NFXL1: variants seen among roughly 807,000 people sequenced by gnomAD.
NFXL1 encodes NF-X1-type zinc finger protein NFXL1.
Under a neutral mutation model 123.3 loss-of-function variants are expected in NFXL1, and 66 were observed. The observed-to-expected ratio is 0.54, with a 90% CI of 0.44 to 0.66. The LOEUF is 0.66. Among genes scored for constraint, NFXL1 ranks in the 30% least tolerant of loss-of-function variants. The pLI is 0.00. For synonymous variants in NFXL1, 346 were observed against 360.8 expected (o/e 0.96, Z 0.46); for missense variants, 944 against 1,125.6 (o/e 0.84, Z 2.31).
chr4:47,881,894 G>A (rs1254752651), intron 15 of NFXL1, among the ~76,000 whole-genome samples: 1 of 152,102 alleles, frequency 6.6e-6, no homozygotes, highest in Non-Finnish European at 1.5e-5. Context: ...GGGAAAAGAA[G>A]GTTGAACAGG....
At chr4:47,912,441 G>GTTTTCT (rs1737872936) in intron 2 of NFXL1, among the ~76,000 whole-genome samples, 2 of 146,464 alleles carry the variant, frequency 1.4e-5, no homozygotes, top group Non-Finnish European at 3.0e-5. Flanking sequence ...GAGAATGCTT[G>GTTTTCT]TTTTCTTTTT....
intron 20 of NFXL1, among the ~76,000 whole-genome samples, chr4:47,852,677 G>A (rs114114099): frequency 0.035 from 5,285 of 152,084 alleles, 326 homozygotes; most frequent in African/African-American, 0.12. Flanking sequence ...ACCAATTTCT[G>A]TACTACGACA....
chr4:47,906,276 A>G (rs543412470), intron 3 of NFXL1, among the ~76,000 whole-genome samples: 1 of 152,348 alleles, frequency 6.6e-6, no homozygotes, highest in South Asian at 2.1e-4. Flanking sequence ...AATAGTGGTT[A>G]ACTGAGTCTT....
chr4:47,882,455 T>C (rs1736172718), intron 15 of NFXL1: 1 of 152,208 alleles, frequency 6.6e-6, no homozygotes, highest in African/African-American at 2.4e-5. Flanking sequence ...AGGTCAAAGA[T>C]GACACACTGA....
chr4:47,898,723 TAATA>T, intron 8 of NFXL1, 30 bp downstream of exon 8: 62 of 1,323,034 alleles, frequency 4.7e-5, no homozygotes, highest in Non-Finnish European at 6.3e-5. Flanking sequence ...CTGTACTCTT[TAATA>T]CCCACCCCTC....
At chr4:47,861,317 A>T (rs1295168066) in intron 19 of NFXL1, among the ~76,000 whole-genome samples, 1 of 152,194 alleles carries the variant, frequency 6.6e-6, no homozygotes, top group Non-Finnish European at 1.5e-5. Flanking sequence ...GATTGTTCCA[A>T]ACTATAACGG....
At chr4:47,848,380 T>C (rs1481845186) in intron 22 of NFXL1, 44 bp from the exon 23 acceptor site, 20 of 1,433,220 alleles carry the variant, frequency 1.4e-5, no homozygotes, top group African/African-American at 4.3e-5. Flanking sequence ...AATGCATACA[T>C]TGATTTGAAA....
intron 18 of NFXL1, among the ~76,000 whole-genome samples, chr4:47,870,017 G>C (rs1735332130): frequency 1.3e-5 from 2 of 152,096 alleles, no homozygotes; most frequent in South Asian, 4.2e-4. Context: ...CCCCATAAGA[G>C]AGAGAAATTT....
intron 11 of NFXL1, among the ~76,000 whole-genome samples, chr4:47,891,417 TGGCAG>T (rs1736763714): frequency 6.6e-6 from 1 of 152,168 alleles, no homozygotes; most frequent in Non-Finnish European, 1.5e-5. Flanking sequence ...TGGCTTCGTT[TGGCAG>T]TTATTTTCAA....
intron 8 of NFXL1, among the ~76,000 whole-genome samples, chr4:47,898,387 C>G (rs1737215577): frequency 6.6e-6 from 1 of 152,046 alleles, no homozygotes; most frequent in Non-Finnish European, 1.5e-5. Flanking sequence ...TAAAACCATG[C>G]CAATTCTAGG....
At chr4:47,911,570 T>G (rs1737829460) in intron 2 of NFXL1, among the ~76,000 whole-genome samples, 1 of 152,208 alleles carries the variant, frequency 6.6e-6, no homozygotes, top group African/African-American at 2.4e-5. Flanking sequence ...CTTTTTGCCT[T>G]TATTATGGAC....
intron 2 of NFXL1, among the ~76,000 whole-genome samples, chr4:47,911,513 C>T (rs1737827760): frequency 6.6e-6 from 1 of 152,226 alleles, no homozygotes; most frequent in African/African-American, 2.4e-5. Flanking sequence ...ACCAACAGTA[C>T]TCACTATGCA....
intron 18 of NFXL1, among the ~76,000 whole-genome samples, chr4:47,869,967 T>C (rs751363689): frequency 6.6e-6 from 1 of 152,048 alleles, no homozygotes; most frequent in African/African-American, 2.4e-5. Flanking sequence ...CTAGATGAAA[T>C]AGATAATTTC....
chr4:47,879,359 G>A (rs767050621), intron 15 of NFXL1, among the ~76,000 whole-genome samples: 1 of 151,966 alleles, frequency 6.6e-6, no homozygotes, highest in East Asian at 1.9e-4. Context: ...AAATACTTGG[G>A]TATGAATTTA....
At position 47,848,129 on chromosome 4, in the gene NFXL1, C is replaced by T; in HGVS notation, c.*34G>A. The T allele has an allele frequency of 1.5e-6, 2 of 1,372,002 alleles. No homozygotes were observed. The highest frequency in any genetic ancestry group is 2.0e-6 in the Non-Finnish European group (2 of 1,000,564). 85.0% of individuals were successfully genotyped at this position (1,372,002 alleles called of 1,614,324 possible). A position where few individuals can be genotyped will look rare whatever the true frequency, so the allele number is the denominator to read the frequency against. On this transcript the variant is annotated 3_prime_UTR_variant, in exon 23 of 23. Coordinates refer to ENST00000507489, the MANE Select transcript of NFXL1 (RefSeq NM_001278624.2). ...TCAAATTTAACAACTTATCTAAATC[C>T]AATCTGAGTTACATTAAAAGATCAA...
At chr4:47,871,335 A>T (rs1394707040) in intron 18 of NFXL1, among the ~76,000 whole-genome samples, 2 of 146,536 alleles carry the variant, frequency 1.4e-5, no homozygotes, top group African/African-American at 5.0e-5. Flanking sequence ...TGGGTGACAG[A>T]GCGAGACTCC....
chr4:47,871,764 T>A (rs1018833513), intron 18 of NFXL1, among the ~76,000 whole-genome samples: 2 of 152,160 alleles, frequency 1.3e-5, no homozygotes, highest in Non-Finnish European at 1.5e-5. Context: ...AACTTTAATA[T>A]AAGAAAAGAA....
intron 3 of NFXL1, among the ~76,000 whole-genome samples, chr4:47,906,204 T>C (rs956750184): frequency 3.9e-5 from 6 of 152,118 alleles, no homozygotes; most frequent in Admixed American, 3.3e-4. Context: ...AGGACAATAA[T>C]CTGAGTCACT....
At chr4:47,863,503 G>A (rs1577995071) in intron 18 of NFXL1, among the ~76,000 whole-genome samples, 2 of 152,028 alleles carry the variant, frequency 1.3e-5, no homozygotes, top group African/African-American at 4.8e-5. Context: ...CCAACATGGT[G>A]AAAGCCCATT....
Sources: allele counts gnomAD v4.1 joint callset (sites outside exome capture counted in the v4.1 genomes callset), GRCh38; gene constraint gnomAD v4.1.1; transcripts MANE v1.5; gene names NCBI Gene and HGNC (gene_info 2026-07-23, HGNC 2026-07-21).